Variants in MYH15 observed in about 807,000 individuals in gnomAD.
MYH15 encodes the protein myosin heavy chain 15.
MYH15 carries 227 observed loss-of-function variants against 240.5 expected under a neutral mutation model. The ratio of observed to expected loss-of-function variants is 0.94; its 90% CI spans 0.85 to 1.05. The LOEUF (loss-of-function observed/expected upper bound fraction) is 1.05. Ranked by LOEUF, MYH15 falls within the 50% of genes least tolerant of loss-of-function variation. MYH15 has a pLI of 0.00. For missense variants in MYH15, 2,217 were observed against 2,247.5 expected, an observed-to-expected ratio of 0.99 and a Z score of 0.27; for synonymous variants, 785 against 796.7, an observed-to-expected ratio of 0.99 and a Z score of 0.25.
chr3:108,462,894 A>G (rs1022951232), intron 16 of MYH15, among the ~76,000 whole-genome samples: 1 of 152,132 alleles, frequency 6.6e-6, no homozygotes, highest in Non-Finnish European at 1.5e-5. Flanking sequence ...AGACAAAAGC[A>G]GGCCAGGAAC....
chr3:108,509,423 G>A (rs2083504534), intron 1 of MYH15, among the ~76,000 whole-genome samples: 1 of 151,992 alleles, frequency 6.6e-6, no homozygotes, highest in Non-Finnish European at 1.5e-5. Context: ...TCTGACCTCA[G>A]GGATAGTTCT....
rs190557112 is a variant in MYH15, at chr3:108,414,084, T to C, written c.4145+148A>G. On this transcript the variant is annotated intron_variant, in intron 30 of 40. Transcript: ENST00000693548. The stretch of plus-strand genomic sequence containing the variant: ...TACAGAGTGTGCTTCTTACCAGCAG[T>C]GCACGTTTCAGCTTTGGTTTTGGGC... The C allele has an allele frequency of 4.0e-5, 28 of 706,902 alleles. No individual in the cohort carries two copies. The East Asian group carries it at 5.4e-4, about 14-fold the overall frequency. The allele number at this position is 706,902 out of a possible 1,614,324, so 43.8% of individuals were successfully genotyped here.
chr3:108,411,019 G>A, intron 30 of MYH15, 87 bp from the exon 31 acceptor site: 1 of 1,161,636 alleles, frequency 8.6e-7, no homozygotes, highest in Admixed American at 2.6e-5. Context: ...GATAGAGCTT[G>A]GGTGCAAAGT....
chr3:108,389,589 G>A (rs2082408741), intron 37 of MYH15, among the ~76,000 whole-genome samples: 1 of 152,144 alleles, frequency 6.6e-6, no homozygotes, highest in African/African-American at 2.4e-5. Context: ...TTCAATGCAG[G>A]TGCCTGCTAC....
At chr3:108,548,261 A>AT in the MYH15 span, among the ~76,000 whole-genome samples, 1 of 152,182 alleles carries the variant, frequency 6.6e-6, no homozygotes, top group African/African-American at 2.4e-5. Context: ...ACATATAAAC[A>AT]TAACAGGTTA....
chr3:108,441,394 A>G (rs2082884306), intron 22 of MYH15, 134 bp from the exon 23 acceptor site: 1 of 971,482 alleles, frequency 1.0e-6, no homozygotes, highest in South Asian at 1.6e-5. Context: ...TTTCCTAAAC[A>G]GCTGCAATAA....
At chr3:108,549,322 A>C in the MYH15 span, among the ~76,000 whole-genome samples, 2 of 151,924 alleles carry the variant, frequency 1.3e-5, no homozygotes, top group African/African-American at 4.8e-5. Context: ...AGTAACTGAT[A>C]TAGTAAAGGC....
At chr3:108,517,669 T>C in intron 1 of MYH15, among the ~76,000 whole-genome samples, 1 of 151,986 alleles carries the variant, frequency 6.6e-6, no homozygotes, top group Non-Finnish European at 1.5e-5. Context: ...GGTTTCACCA[T>C]GTTGGCCAGG....
intron 11 of MYH15, among the ~76,000 whole-genome samples, chr3:108,476,947 G>T (rs534099632): frequency 3.9e-4 from 60 of 152,152 alleles, no homozygotes; most frequent in African/African-American, 1.4e-3. Context: ...AGTTACTATG[G>T]AACCCAGCAA....
chr3:108,422,371 C>T (rs1418504090), intron 27 of MYH15, among the ~76,000 whole-genome samples: 1 of 152,112 alleles, frequency 6.6e-6, no homozygotes, highest in Non-Finnish European at 1.5e-5. Context: ...GCATGCGCCA[C>T]CATGCCCAGC....
the MYH15 span, among the ~76,000 whole-genome samples, chr3:108,542,742 CCCA>C: frequency 4.9e-3 from 748 of 152,230 alleles, 3 homozygotes; most frequent in Non-Finnish European, 7.4e-3. Context: ...TGTGTTGTTC[CCCA>C]CGTGTCCATG....
chr3:108,500,165 G>C lies in MYH15; in HGVS notation c.449C>G (p.Pro150Arg), dbSNP rs768729797. ...GTTATTGGCAACAGCAAAGATGTGA[G>C]GGGGAGCCTCTGATCGCCTCTTCCC... ...YKGKRRSEAP[P>R]HIFAVANNAF... Residue 150 changes from proline to arginine, a missense_variant, in exon 4 of 41, where the codon CCT becomes CGT. Transcript: ENST00000693548. 1 of 1,614,064 alleles carries C rather than the reference G, an allele frequency of 6.2e-7. No individual in the cohort carries two copies. The highest frequency in any genetic ancestry group is 8.5e-7 in the Non-Finnish European group (1 of 1,179,942).
intron 11 of MYH15, among the ~76,000 whole-genome samples, chr3:108,479,164 G>A (rs2083245125): frequency 6.6e-6 from 1 of 152,198 alleles, no homozygotes; most frequent in South Asian, 2.1e-4. Flanking sequence ...AGGAACTACT[G>A]TTGTAAAGAT....
In MYH15 at chr3:108,464,677, T is replaced by C. The variant is rs754180870; in HGVS notation, c.1692A>G (p.Lys564=). Residue 564 remains lysine (K), a synonymous_variant, in exon 15 of 41, where the codon AAA becomes AAG. Coordinates refer to ENST00000693548, the MANE Select transcript of MYH15 (RefSeq NM_014981.3). ...HLQKPKPDKK[K]FEAHFELVHY... The stretch of plus-strand genomic sequence containing the variant: ...GGACAAGTTCAAAATGAGCTTCAAA[T>C]TTCTTCTTATCAGGCTTGGGCTTCT... The C allele has an allele frequency of 1.2e-6, 2 of 1,613,524 alleles. No homozygotes were observed. The highest frequency in any genetic ancestry group is 2.7e-5 in the African/African-American group (2 of 74,882).
chr3:108,411,321 C>T (rs1276227141), intron 30 of MYH15, among the ~76,000 whole-genome samples: 1 of 152,164 alleles, frequency 6.6e-6, no homozygotes, highest in Non-Finnish European at 1.5e-5. Context: ...AAATCTGTAG[C>T]CATATGTAGT....
intron 30 of MYH15, among the ~76,000 whole-genome samples, chr3:108,411,768 G>A (rs1012757751): frequency 1.2e-4 from 19 of 152,070 alleles, no homozygotes; most frequent in African/African-American, 3.9e-4. Context: ...CTCATCTACT[G>A]CTATTAAACA....
At position 108,437,850 on chromosome 3, in the gene MYH15, T is replaced by C. The variant is rs147970065; in HGVS notation, c.3076-151A>G. 1,923 of 782,234 alleles carry C rather than the reference T, an allele frequency of 2.5e-3. 16 individuals carry two copies. The highest frequency in any genetic ancestry group is 0.015 in the African/African-American group (854 of 56,706). 48.5% of individuals were successfully genotyped at this position (782,234 alleles called of 1,614,324 possible). ...AGTAACATAGATATTTCCAAATAAA[T>C]ATTGCATATGTCAATAGGTTAACAA... On this transcript the variant is annotated intron_variant, in intron 24 of 40. Coordinates refer to ENST00000693548, the MANE Select transcript of MYH15 (RefSeq NM_014981.3).
chr3:108,530,596 C>T (rs980595411), upstream of MYH15, among the ~76,000 whole-genome samples: 1 of 152,094 alleles, frequency 6.6e-6, no homozygotes, highest in African/African-American at 2.4e-5. Context: ...AATAATGTGT[C>T]AACGTAGGTT....
Position 108,398,657 on chromosome 3 carries a change from T to C in MYH15, c.5113A>G (p.Ile1705Val), listed in dbSNP as rs1435075475. 1.2e-6 allele frequency: 2 copies of C among 1,613,374 alleles called. No individual in the cohort carries two copies. Residue 1705 changes from isoleucine to valine, a missense_variant, in exon 35 of 41, where the codon ATC becomes GTC. By Grantham distance (29) the Ile-to-Val change is conservative. Transcript: ENST00000693548. ...CCCACCTGGGTATAGAAAAGATTGA[T>C]TCTTTCTGTTGCTTCCAGGAGCTCT... ...EEELLEATER[I>V]NLFYTQNTSL...
Sources: allele counts gnomAD v4.1 joint callset (sites outside exome capture counted in the v4.1 genomes callset), GRCh38; gene constraint gnomAD v4.1.1; transcripts MANE v1.5; gene names NCBI Gene and HGNC (gene_info 2026-07-23, HGNC 2026-07-21).